Variants in CNTN4 observed in about 807,000 individuals in gnomAD.
The protein encoded by CNTN4 is contactin 4, also known as contactin-4.
Under a neutral mutation model 122.5 loss-of-function variants are expected in CNTN4, and 77 were observed. The ratio of observed to expected loss-of-function variants is 0.63; its 90% CI spans 0.52 to 0.76. The LOEUF (loss-of-function observed/expected upper bound fraction) is 0.76. Ranked by LOEUF, CNTN4 falls within the 30% of genes least tolerant of loss-of-function variation. The pLI is 0.00. For synonymous variants in CNTN4, 512 were observed against 447.0 expected (o/e 1.15, Z -1.83); for missense variants, 1,256 against 1,259.1 (o/e 1.00, Z 0.04).
chr3:2,101,503 G>A (rs1418960486), intron 2 of CNTN4, among the ~76,000 whole-genome samples: 1 of 152,046 alleles, frequency 6.6e-6, no homozygotes, highest in Admixed American at 6.6e-5. Flanking sequence ...TATTTTAGTT[G>A]AATAAGTCTA....
At chr3:2,204,317 A>G (rs971984300) in intron 2 of CNTN4, among the ~76,000 whole-genome samples, 1 of 152,200 alleles carries the variant, frequency 6.6e-6, no homozygotes, top group Non-Finnish European at 1.5e-5. Flanking sequence ...ACTCTTAACA[A>G]TGAATTAATT....
intron 3 of CNTN4, among the ~76,000 whole-genome samples, chr3:2,394,165 T>G (rs2046548112): frequency 6.6e-6 from 1 of 150,670 alleles, no homozygotes; most frequent in South Asian, 2.1e-4. Context: ...AAAAAGGAAG[T>G]TGTTTTTTTT....
chr3:2,836,714 A>C (rs1003140227), intron 7 of CNTN4, among the ~76,000 whole-genome samples: 10 of 151,542 alleles, frequency 6.6e-5, no homozygotes, highest in African/African-American at 2.4e-4. Flanking sequence ...GATTAAAAAT[A>C]CAAAAACAAA....
intron 3 of CNTN4, among the ~76,000 whole-genome samples, chr3:2,556,687 T>C (rs2149395652): frequency 6.6e-6 from 1 of 152,094 alleles, no homozygotes; most frequent in South Asian, 2.1e-4. Context: ...TTTATATATG[T>C]GTGTGTATAT....
intron 23 of CNTN4, among the ~76,000 whole-genome samples, chr3:3,048,036 C>A (rs1441224142): frequency 6.6e-6 from 1 of 152,118 alleles, no homozygotes; most frequent in African/African-American, 2.4e-5. Flanking sequence ...CTCAGTCACT[C>A]CCCCTTCTTT....
intron 14 of CNTN4, among the ~76,000 whole-genome samples, chr3:3,015,839 C>T (rs1697707383): frequency 2.0e-5 from 3 of 152,118 alleles, no homozygotes; most frequent in South Asian, 4.1e-4. Flanking sequence ...AGTAAATATT[C>T]GCTTACTTTT....
intron 2 of CNTN4, among the ~76,000 whole-genome samples, chr3:2,158,290 C>T (rs568048385): frequency 2.0e-5 from 3 of 152,236 alleles, no homozygotes; most frequent in African/African-American, 7.2e-5. Flanking sequence ...AAAAGTCTAC[C>T]ATCCCTCATT....
rs576933421 is a variant in CNTN4, at chr3:2,541,913, G to A, written c.-88-29503G>A. Among the ~76,000 whole-genome samples, 6 of 152,196 alleles carry A rather than the reference G, an allele frequency of 3.9e-5. No homozygotes were observed. The South Asian group carries it at 6.2e-4, about 16-fold the overall frequency. On this transcript the variant is annotated intron_variant, in intron 3 of 24. Coordinates refer to ENST00000418658, the MANE Select transcript of CNTN4 (RefSeq NM_175607.3). ...CTTGGCAACTCTAATATTTATCTCT[G>A]TGGAACTGAGTTGTGAAACTAAAAG...
chr3:2,676,220 G>GTT (rs111854621), intron 4 of CNTN4, among the ~76,000 whole-genome samples: 19 of 148,152 alleles, frequency 1.3e-4, no homozygotes, highest in African/African-American at 4.4e-4. Context: ...CGACTGAGTG[G>GTT]TTTTTTTTTT....
intron 2 of CNTN4, among the ~76,000 whole-genome samples, chr3:2,327,809 A>G (rs1186759155): frequency 2.6e-5 from 4 of 152,154 alleles, no homozygotes; most frequent in African/African-American, 7.2e-5. Flanking sequence ...TTACTCATGT[A>G]GAATCTCCTG....
At chr3:2,550,419 A>G (rs1054511630) in intron 3 of CNTN4, among the ~76,000 whole-genome samples, 2 of 152,198 alleles carry the variant, frequency 1.3e-5, no homozygotes, top group African/African-American at 2.4e-5. Context: ...CACACCAGTT[A>G]GAATGGTGAT....
chr3:3,006,011 A>G (rs1696588345), intron 14 of CNTN4, among the ~76,000 whole-genome samples: 1 of 150,114 alleles, frequency 6.7e-6, no homozygotes, highest in Non-Finnish European at 1.5e-5. Context: ...TCAGCCTCCC[A>G]AGTAGCTGGG....
intron 13 of CNTN4, among the ~76,000 whole-genome samples, chr3:2,944,211 C>T (rs972693508): frequency 1.3e-5 from 2 of 151,276 alleles, no homozygotes; most frequent in South Asian, 4.2e-4. Flanking sequence ...CCCTCAAATA[C>T]CAACAGAAAT....
chr3:2,322,123 A>G (rs2043295752), intron 2 of CNTN4, among the ~76,000 whole-genome samples: 1 of 152,198 alleles, frequency 6.6e-6, no homozygotes, highest in African/African-American at 2.4e-5. Context: ...TAAAGTATAC[A>G]TTAGATTACT....
At chr3:2,558,437 CTTG>C (rs1396567652) in intron 3 of CNTN4, among the ~76,000 whole-genome samples, 1 of 152,088 alleles carries the variant, frequency 6.6e-6, no homozygotes, top group Non-Finnish European at 1.5e-5. Context: ...ACTAGTCAAT[CTTG>C]TTGTAGAATA....
chr3:2,882,949 C>T lies in CNTN4; in HGVS notation c.653-196C>T, dbSNP rs2093929308. ...CCAGGCAAATGGTGTGGTTCTGCGA[C>T]ACAAATTTTTCTGTAGCAGTAACTG... is the stretch of plus-strand genomic sequence containing the variant. On this transcript the variant is annotated intron_variant, in intron 8 of 24. Coordinates refer to ENST00000418658, the MANE Select transcript of CNTN4 (RefSeq NM_175607.3). 3 of 531,304 alleles carry T rather than the reference C, an allele frequency of 5.6e-6. No homozygotes were observed. In the Admixed American group the frequency reaches 8.2e-5, roughly 15 times the overall value. The allele number at this position is 531,304 out of a possible 1,614,324, so 32.9% of individuals were successfully genotyped here.
chr3:2,652,940 GATTTC>G (rs1463815368), intron 4 of CNTN4, among the ~76,000 whole-genome samples: 1 of 151,950 alleles, frequency 6.6e-6, no homozygotes, highest in African/African-American at 2.4e-5. Context: ...TTTGAAGTTA[GATTTC>G]ATTTTTGGCA....
At chr3:2,854,268 C>CTTTTTTTTTTTTTTTTTTTTTT (rs56147510) in intron 7 of CNTN4, among the ~76,000 whole-genome samples, 1 of 90,052 alleles carries the variant, frequency 1.1e-5, no homozygotes, top group Non-Finnish European at 2.0e-5. Context: ...CTTTCTTCTT[C>CTTTTTTTTTTTTTTTTTTTTTT]TTTTTTTTTT....
chr3:2,932,326 C>T (rs951520384), intron 13 of CNTN4, among the ~76,000 whole-genome samples: 4 of 151,974 alleles, frequency 2.6e-5, no homozygotes, highest in South Asian at 2.1e-4. Flanking sequence ...TGCAGTGAGC[C>T]GAGATTGCAC....
Sources: allele counts gnomAD v4.1 joint callset (sites outside exome capture counted in the v4.1 genomes callset), GRCh38; gene constraint gnomAD v4.1.1; transcripts MANE v1.5; gene names NCBI Gene and HGNC (gene_info 2026-07-23, HGNC 2026-07-21).